SMAD3: variants seen among roughly 807,000 people sequenced by gnomAD.
The protein encoded by SMAD3 is SMAD family member 3.
Under a neutral mutation model 51.8 loss-of-function variants are expected in SMAD3, and 12 were observed. The observed-to-expected ratio is 0.23, with a 90% confidence interval of 0.15 to 0.38. The LOEUF is 0.38. Among genes scored for constraint, SMAD3 ranks in the 10% least tolerant of loss-of-function variants. SMAD3 has a pLI of 1.00. For missense variants in SMAD3, 294 were observed against 565.6 expected (o/e 0.52, Z 4.87); for synonymous variants, 238 against 227.7 (o/e 1.05, Z -0.41).
chr15:67,118,337 G>A (rs1721846775), intron 1 of SMAD3, among the ~76,000 whole-genome samples: 1 of 152,232 alleles, frequency 6.6e-6, no homozygotes, highest in South Asian at 2.1e-4. Flanking sequence ...TCTTCAGAGT[G>A]TTTATTACCA....
chr15:67,187,660 C>T, intron 8 of SMAD3, 151 bp downstream of exon 8: 2 of 974,020 alleles, frequency 2.1e-6, no homozygotes, highest in Non-Finnish European at 3.2e-6. Context: ...GCCTGGCAGG[C>T]AGGAGGGGCC....
rs1960101792 is a variant in SMAD3 at position 67,073,522 on chromosome 15, T to C, written c.206+7162T>C. Among the ~76,000 whole-genome samples, 3 of 152,206 alleles carry C rather than the reference T, an allele frequency of 2.0e-5. No homozygotes were observed. In the South Asian group the frequency reaches 6.2e-4, roughly 32 times the overall value. The stretch of plus-strand genomic sequence containing the variant: ...TAGGAGTCAGCAGACCTTGGTAGGT[T>C]CTAGACGTGGCTCTGTTTCTGATTA... On this transcript the variant is annotated intron_variant, in intron 1 of 8. Coordinates refer to ENST00000327367, the MANE Select transcript of SMAD3 (RefSeq NM_005902.4).
At chr15:67,137,321 A>G (rs1192905629) in intron 1 of SMAD3, among the ~76,000 whole-genome samples, 3 of 152,212 alleles carry the variant, frequency 2.0e-5, no homozygotes, top group African/African-American at 4.8e-5. Context: ...CTGTGTACCA[A>G]TATGAAGCTG....
intron 5 of SMAD3, among the ~76,000 whole-genome samples, chr15:67,175,750 A>G (rs530485630): frequency 6.6e-6 from 1 of 152,296 alleles, no homozygotes; most frequent in African/African-American, 2.4e-5. Context: ...ATGTGTGAGC[A>G]CAGGTGTGGT....
At chr15:67,154,276 C>T (rs1962224348) in intron 1 of SMAD3, among the ~76,000 whole-genome samples, 1 of 152,102 alleles carries the variant, frequency 6.6e-6, no homozygotes, top group Admixed American at 6.5e-5. Flanking sequence ...CATTCATGCC[C>T]AAAGCACTAG....
intron 1 of SMAD3, among the ~76,000 whole-genome samples, chr15:67,108,251 C>T (rs1409799279): frequency 1.3e-5 from 2 of 152,084 alleles, no homozygotes; most frequent in Admixed American, 1.3e-4. Context: ...TGTGGAGTGA[C>T]TGATTTCAAG....
chr15:67,136,328 C>CTTTTTT (rs11355676), intron 1 of SMAD3, among the ~76,000 whole-genome samples: 20 of 137,112 alleles, frequency 1.5e-4, no homozygotes, highest in Non-Finnish European at 1.4e-4. Flanking sequence ...GTCAGTCATT[C>CTTTTTT]TTTTTTTTTT....
At chr15:67,172,953 C>T (rs913152114) in intron 5 of SMAD3, among the ~76,000 whole-genome samples, 1 of 152,196 alleles carries the variant, frequency 6.6e-6, no homozygotes, top group African/African-American at 2.4e-5. Context: ...CTCACTCCCT[C>T]ATTCCCAGAT....
intron 1 of SMAD3, among the ~76,000 whole-genome samples, chr15:67,153,745 C>T (rs1265373732): frequency 1.3e-5 from 2 of 152,190 alleles, no homozygotes; most frequent in African/African-American, 4.8e-5. Context: ...CTAGCCCCAA[C>T]AAAGATTAGC....
intron 1 of SMAD3, among the ~76,000 whole-genome samples, chr15:67,149,845 C>T (rs770460457): frequency 1.2e-4 from 18 of 152,298 alleles, no homozygotes; most frequent in South Asian, 6.2e-4. Context: ...GTGTATGGAA[C>T]GTTAGCAATT....
At chr15:67,068,886 A>G (rs2140191921) in intron 1 of SMAD3, among the ~76,000 whole-genome samples, 1 of 152,250 alleles carries the variant, frequency 6.6e-6, no homozygotes, top group African/African-American at 2.4e-5. Context: ...GTTGCTTGTC[A>G]AATTGTCTGC....
At chr15:67,145,638 A>G (rs978133528) in intron 1 of SMAD3, among the ~76,000 whole-genome samples, 3 of 152,304 alleles carry the variant, frequency 2.0e-5, no homozygotes, top group Middle Eastern at 3.4e-3. Flanking sequence ...ACTGTATGTC[A>G]GTGTGGCGCT....
chr15:67,169,622 ATT>A (rs11333560), intron 4 of SMAD3, among the ~76,000 whole-genome samples: 1,668 of 127,860 alleles, frequency 0.013, 13 homozygotes, highest in South Asian at 0.029. Context: ...CTTACGGCTT[ATT>A]TTTTTTTTTT....
chr15:67,137,930 T>TA, intron 1 of SMAD3: 1 of 814,170 alleles, frequency 1.2e-6, no homozygotes, highest in South Asian at 1.5e-5. Context: ...ACAGAGAAAA[T>TA]AGGAGGTACT....
intron 1 of SMAD3, among the ~76,000 whole-genome samples, chr15:67,083,672 A>C (rs1355804679): frequency 6.6e-6 from 1 of 152,156 alleles, no homozygotes; most frequent in Non-Finnish European, 1.5e-5. Context: ...CCAGATCTGC[A>C]GTTCTCCAGA....
intron 1 of SMAD3, among the ~76,000 whole-genome samples, chr15:67,150,419 T>C (rs1962098495): frequency 6.6e-6 from 1 of 152,202 alleles, no homozygotes; most frequent in African/African-American, 2.4e-5. Flanking sequence ...GGCCGCCAGT[T>C]ATCATCGCCT....
intron 1 of SMAD3, among the ~76,000 whole-genome samples, chr15:67,153,442 C>T (rs1216345610): frequency 6.9e-6 from 1 of 144,058 alleles, no homozygotes; most frequent in African/African-American, 2.6e-5. Flanking sequence ...CAAGATCACT[C>T]CGCTGTACTC....
chr15:67,139,360 G>T (rs564811582), intron 1 of SMAD3, among the ~76,000 whole-genome samples: 1 of 152,078 alleles, frequency 6.6e-6, no homozygotes, highest in East Asian at 1.9e-4. Flanking sequence ...TTTCCCCACT[G>T]TGTCTGCTCT....
At chr15:67,177,284 G>A (rs979168640) in intron 5 of SMAD3, among the ~76,000 whole-genome samples, 18 of 152,304 alleles carry the variant, frequency 1.2e-4, no homozygotes, top group Admixed American at 7.2e-4. Context: ...CAAACTGGAT[G>A]CTTTTGCAGT....
Sources: allele counts gnomAD v4.1 joint callset (sites outside exome capture counted in the v4.1 genomes callset), GRCh38; gene constraint gnomAD v4.1.1; transcripts MANE v1.5; gene names NCBI Gene and HGNC (gene_info 2026-07-23, HGNC 2026-07-21).